The following PDE10A variants were observed in gnomAD, a reference collection of about 807,000 sequenced individuals.
PDE10A encodes the protein phosphodiesterase 10A.
PDE10A carries 39 observed loss-of-function variants against 97.7 expected under a neutral mutation model. The observed-to-expected ratio is 0.40, with a 90% CI of 0.31 to 0.52. PDE10A has a LOEUF of 0.52. Ranked by LOEUF, PDE10A falls within the 20% of genes least tolerant of loss-of-function variation. The probability of loss-of-function intolerance (pLI) is 0.56; values close to 1 mark genes in which losing one functional copy is unlikely to be tolerated. For synonymous variants in PDE10A, 371 were observed against 376.8 expected (o/e 0.98, Z 0.18); for missense variants, 731 against 1,047.8 (o/e 0.70, Z 4.17).
At chr6:165,745,510 A>G (rs571656010) in intron 1 of PDE10A, among the ~76,000 whole-genome samples, 2 of 152,334 alleles carry the variant, frequency 1.3e-5, no homozygotes, top group African/African-American at 2.4e-5. Flanking sequence ...GACTTAACTG[A>G]AAAAAGCTAA....
At chr6:165,953,499 G>C (rs1784034923) in intron 1 of PDE10A, among the ~76,000 whole-genome samples, 1 of 152,036 alleles carries the variant, frequency 6.6e-6, no homozygotes, top group Non-Finnish European at 1.5e-5. Flanking sequence ...GCTGAGGCAG[G>C]AGAATTGCTT....
intron 3 of PDE10A, among the ~76,000 whole-genome samples, chr6:165,468,828 C>T (rs1280355246): frequency 6.6e-6 from 1 of 152,154 alleles, no homozygotes; most frequent in Non-Finnish European, 1.5e-5. Context: ...TTATTATATT[C>T]TTTTTTACAC....
rs111245105 is a variant in PDE10A at position 165,711,224 on chromosome 6, G to C, written c.-614-167656C>G. Among the ~76,000 whole-genome samples the C allele has an allele frequency of 5.6e-3, 850 of 152,330 alleles. 5 individuals are homozygous for C. The highest frequency in any genetic ancestry group is 0.019 in the African/African-American group (806 of 41,572). ...AATACACCGTTAGAGTTGGGAGCAG[G>C]GCTCTTCTGAAAACCTCATCTTGGA... On this transcript the variant is annotated intron_variant, in intron 1 of 19. Coordinates refer to the PDE10A transcript ENST00000366882. This position sits in a 1 kb window ranked among gnomAD's most constrained non-coding sequence, Gnocchi z 4.5.
intron 10 of PDE10A, among the ~76,000 whole-genome samples, chr6:165,425,412 C>T (rs1046441850): frequency 2.6e-5 from 4 of 152,036 alleles, no homozygotes; most frequent in Admixed American, 6.6e-5. Flanking sequence ...ATGTAATATA[C>T]ACTATCAATA....
chr6:165,838,375 A>G (rs1016279174), intron 1 of PDE10A, among the ~76,000 whole-genome samples: 2 of 152,150 alleles, frequency 1.3e-5, no homozygotes, highest in African/African-American at 2.4e-5. Flanking sequence ...CAGGGTTTTT[A>G]TTGACATAAT....
At chr6:165,542,680 G>A (rs570864191) in intron 2 of PDE10A, among the ~76,000 whole-genome samples, 6 of 141,586 alleles carry the variant, frequency 4.2e-5, no homozygotes, top group Admixed American at 7.4e-5. Context: ...GTGCAGTGGC[G>A]CGATCTCGGC....
intron 6 of PDE10A, among the ~76,000 whole-genome samples, chr6:165,433,524 G>A (rs965121675): frequency 2.0e-5 from 3 of 152,128 alleles, no homozygotes; most frequent in Admixed American, 2.0e-4. Flanking sequence ...ACTATGTGAA[G>A]AAAATTATTT....
At chr6:165,426,503 A>G (rs180735352) in intron 10 of PDE10A, among the ~76,000 whole-genome samples, 1 of 152,338 alleles carries the variant, frequency 6.6e-6, no homozygotes, top group East Asian at 1.9e-4. Context: ...CCTAAATATA[A>G]GAGTTAAAAA....
intron 2 of PDE10A, among the ~76,000 whole-genome samples, chr6:165,494,195 A>G (rs1000539725): frequency 3.3e-5 from 5 of 152,132 alleles, no homozygotes; most frequent in African/African-American, 1.2e-4. Context: ...TGTGGTGGAA[A>G]GGGAATACTC....
At chr6:165,908,502 C>A (rs116629365) in intron 1 of PDE10A, among the ~76,000 whole-genome samples, 1,677 of 152,218 alleles carry the variant, frequency 0.011, 27 homozygotes, top group African/African-American at 0.036. Flanking sequence ...CAGCAGAGGC[C>A]ACAAAAGAGA....
At chr6:165,559,310 G>A (rs1478404996) in intron 1 of PDE10A, among the ~76,000 whole-genome samples, 1 of 152,214 alleles carries the variant, frequency 6.6e-6, no homozygotes, top group Non-Finnish European at 1.5e-5. Context: ...TAGGGGCTAA[G>A]AGGGATATAC....
chr6:165,467,474 A>G (rs1217812067), intron 3 of PDE10A, among the ~76,000 whole-genome samples: 1 of 152,224 alleles, frequency 6.6e-6, no homozygotes, highest in Non-Finnish European at 1.5e-5. Flanking sequence ...TCTAAGGCTC[A>G]GTGACCACTG....
intron 1 of PDE10A, among the ~76,000 whole-genome samples, chr6:165,673,480 G>A (rs1025715178): frequency 6.6e-6 from 1 of 152,196 alleles, no homozygotes; most frequent in Non-Finnish European, 1.5e-5. Context: ...AAACCTCGCC[G>A]GAGCTGCTGA....
chr6:165,855,635 T>C (rs1328648375), intron 1 of PDE10A, among the ~76,000 whole-genome samples: 1 of 152,024 alleles, frequency 6.6e-6, no homozygotes, highest in Non-Finnish European at 1.5e-5. Flanking sequence ...GAAGACCTCT[T>C]GGAAATCGGG....
At chr6:165,710,653 A>G (rs1015463318) in intron 1 of PDE10A, among the ~76,000 whole-genome samples, 2 of 152,202 alleles carry the variant, frequency 1.3e-5, no homozygotes, top group African/African-American at 4.8e-5. Context: ...TAAGTTTAGC[A>G]ATAAAAGTCA....
At chr6:165,379,401 C>A in intron 17 of PDE10A, 35 bp from the exon 18 acceptor site, 1 of 1,509,750 alleles carries the variant, frequency 6.6e-7, no homozygotes, top group Non-Finnish European at 9.1e-7. Context: ...CCACCAATAA[C>A]AAGCACAAGC....
intron 1 of PDE10A, among the ~76,000 whole-genome samples, chr6:165,765,011 G>A (rs1213132521): frequency 5.9e-5 from 9 of 152,142 alleles, no homozygotes; most frequent in Non-Finnish European, 1.3e-4. Context: ...ACAGAGTGTG[G>A]ACACAAAGGT....
chr6:165,725,684 C>T lies in PDE10A; in HGVS notation c.-614-182116G>A, dbSNP rs112638454. On this transcript the variant is annotated intron_variant, in intron 1 of 19. Coordinates refer to the PDE10A transcript ENST00000366882. ...AAAGTTGTTTTGCCTTATGTACTTA[C>T]GAAAAAAATCAACCATTTCTACTTA... Among the ~76,000 whole-genome samples, 231 of 151,886 alleles carry T rather than the reference C, an allele frequency of 1.5e-3. 1 individual carries two copies. The highest frequency in any genetic ancestry group is 4.7e-3 in the African/African-American group (193 of 41,470).
At chr6:165,420,785 A>G (rs532168678) in intron 10 of PDE10A, among the ~76,000 whole-genome samples, 22 of 152,364 alleles carry the variant, frequency 1.4e-4, no homozygotes, top group African/African-American at 5.1e-4. Flanking sequence ...CACCAGCCTA[A>G]AATGGCTTCA....
Sources: allele counts gnomAD v4.1 joint callset (sites outside exome capture counted in the v4.1 genomes callset), GRCh38; gene constraint gnomAD v4.1.1; non-coding constraint Gnocchi (gnomAD v3.1); transcripts MANE v1.5; gene names NCBI Gene and HGNC (gene_info 2026-07-23, HGNC 2026-07-21).